The following DAPK1 variants were observed in gnomAD, a reference collection of about 807,000 sequenced individuals.
DAPK1 encodes the protein death-associated protein kinase 1.
DAPK1 carries 56 observed loss-of-function variants against 144.9 expected under a neutral mutation model. That is an observed-to-expected ratio of 0.39 (90% CI 0.31 to 0.48). DAPK1 has a LOEUF of 0.48. DAPK1 is among the 20% of genes least tolerant of loss of function. DAPK1 has a pLI of 0.95. For missense variants in DAPK1, 1,454 were observed against 1,875.4 expected (o/e 0.78, Z 4.15); for synonymous variants, 690 against 749.0 (o/e 0.92, Z 1.29).
At chr9:87,651,995 G>A (rs1830460126) in intron 17 of DAPK1, among the ~76,000 whole-genome samples, 1 of 137,242 alleles carries the variant, frequency 7.3e-6, no homozygotes, top group African/African-American at 2.8e-5. Flanking sequence ...CTGATTCTGT[G>A]TCCTCCCACC....
intron 20 of DAPK1, among the ~76,000 whole-genome samples, chr9:87,682,199 C>T (rs1824657942): frequency 6.6e-6 from 1 of 152,198 alleles, no homozygotes; most frequent in Non-Finnish European, 1.5e-5. Context: ...GGGATGGTCT[C>T]TCTGGTCACA....
At chr9:87,618,749 G>A (rs988828405) in intron 3 of DAPK1, among the ~76,000 whole-genome samples, 6 of 152,180 alleles carry the variant, frequency 3.9e-5, no homozygotes, top group Non-Finnish European at 2.9e-5. Flanking sequence ...CCGAGGGCAG[G>A]TGGGAGTGTG....
At chr9:87,644,285 C>T (rs1389547885) in intron 11 of DAPK1, among the ~76,000 whole-genome samples, 1 of 152,104 alleles carries the variant, frequency 6.6e-6, no homozygotes, top group Non-Finnish European at 1.5e-5. Context: ...CCGAATTCAA[C>T]AAGACTTTCC....
chr9:87,623,160 C>G (rs1490112125), intron 3 of DAPK1, among the ~76,000 whole-genome samples: 1 of 152,170 alleles, frequency 6.6e-6, no homozygotes, highest in Admixed American at 6.5e-5. Context: ...GTAAAGTGGT[C>G]TGGCCCCACA....
At chr9:87,652,202 C>A (rs1204483420) in intron 17 of DAPK1, among the ~76,000 whole-genome samples, 5 of 135,378 alleles carry the variant, frequency 3.7e-5, no homozygotes, top group African/African-American at 5.8e-5. Flanking sequence ...TGTCCATCCC[C>A]CCGATCCCGG....
intron 2 of DAPK1, among the ~76,000 whole-genome samples, chr9:87,509,658 C>T (rs1210021041): frequency 6.6e-6 from 1 of 152,212 alleles, no homozygotes; most frequent in African/African-American, 2.4e-5. Context: ...CCGCGCCCGG[C>T]CATCCTGCCA....
intron 2 of DAPK1, among the ~76,000 whole-genome samples, chr9:87,517,327 A>G (rs1440873601): frequency 1.3e-5 from 2 of 151,660 alleles, no homozygotes; most frequent in Non-Finnish European, 2.9e-5. Context: ...TTTATAATCC[A>G]TTTTCCCTCT....
At chr9:87,696,407 G>A (rs1266621160) in intron 21 of DAPK1, among the ~76,000 whole-genome samples, 4 of 152,340 alleles carry the variant, frequency 2.6e-5, no homozygotes, top group Middle Eastern at 6.8e-3. Context: ...CGATCTGCAC[G>A]TCAGTAGATG....
At chr9:87,531,804 T>C (rs1825707928) in intron 2 of DAPK1, among the ~76,000 whole-genome samples, 1 of 152,154 alleles carries the variant, frequency 6.6e-6, no homozygotes, top group Non-Finnish European at 1.5e-5. Context: ...TAGAGAATAT[T>C]GGAATGCAGG....
intron 24 of DAPK1, among the ~76,000 whole-genome samples, chr9:87,702,105 C>A (rs1825475922): frequency 6.6e-6 from 1 of 152,130 alleles, no homozygotes; most frequent in Non-Finnish European, 1.5e-5. Context: ...CCCCGCCCAA[C>A]CCCTAAACTC....
intron 18 of DAPK1, among the ~76,000 whole-genome samples, chr9:87,664,880 C>T (rs1299005710): frequency 1.3e-5 from 2 of 152,214 alleles, no homozygotes; most frequent in Non-Finnish European, 2.9e-5. Flanking sequence ...TGTTCCGCCT[C>T]CTCCCGTCTC....
intron 8 of DAPK1, 75 bp from the exon 9 acceptor site, chr9:87,640,727 C>T: frequency 6.7e-7 from 1 of 1,494,908 alleles, no homozygotes; most frequent in Non-Finnish European, 9.3e-7. Flanking sequence ...TTGGCAGGCC[C>T]AGCCAGCATG....
chr9:87,547,642 G>T (rs1385827385), intron 2 of DAPK1, among the ~76,000 whole-genome samples: 1 of 151,708 alleles, frequency 6.6e-6, no homozygotes, highest in Non-Finnish European at 1.5e-5. Flanking sequence ...TTAAGGAATT[G>T]GCTTCTGTGA....
chr9:87,508,629 A>G (rs572339413), intron 2 of DAPK1, among the ~76,000 whole-genome samples: 1 of 152,154 alleles, frequency 6.6e-6, no homozygotes, highest in Non-Finnish European at 1.5e-5. Flanking sequence ...GGCGTGAGCC[A>G]CCGTGCCCGG....
chr9:87,505,231 C>T (rs528187263), intron 2 of DAPK1, among the ~76,000 whole-genome samples: 1 of 152,270 alleles, frequency 6.6e-6, no homozygotes, highest in Non-Finnish European at 1.5e-5. Flanking sequence ...CCATGAGTAC[C>T]TAACATTTTG....
At chr9:87,676,506 C>T (rs537195427) in intron 19 of DAPK1, among the ~76,000 whole-genome samples, 90 of 152,324 alleles carry the variant, frequency 5.9e-4, no homozygotes, top group Non-Finnish European at 7.9e-4. Flanking sequence ...GTGAGCAGGA[C>T]GAGGGGTCAT....
chr9:87,610,022 C>T (rs1218965346), intron 3 of DAPK1, among the ~76,000 whole-genome samples: 1 of 152,118 alleles, frequency 6.6e-6, no homozygotes, highest in African/African-American at 2.4e-5. Flanking sequence ...TGCCACTGAC[C>T]CAAAAAGGTA....
intron 2 of DAPK1, among the ~76,000 whole-genome samples, chr9:87,514,287 G>C (rs753747963): frequency 6.6e-6 from 1 of 152,196 alleles, no homozygotes; most frequent in Non-Finnish European, 1.5e-5. Context: ...TGGTCTGAGC[G>C]TGAGGTCTAG....
intron 2 of DAPK1, among the ~76,000 whole-genome samples, chr9:87,570,913 C>T (rs1021127279): frequency 3.9e-5 from 6 of 152,070 alleles, no homozygotes; most frequent in Non-Finnish European, 7.3e-5. Context: ...TGGAACTGAC[C>T]CCTAACTGTG....
Sources: gnomAD v4.1 joint callset for allele counts (sites outside exome capture counted in the v4.1 genomes callset) on GRCh38, gnomAD v4.1.1 for gene constraint, MANE v1.5 for transcripts, NCBI Gene and HGNC (gene_info 2026-07-23, HGNC 2026-07-21) for gene names.